Variants in PCDHGA10 observed in about 807,000 individuals in gnomAD.
The protein encoded by PCDHGA10 is protocadherin gamma subfamily A, 10.
Under a neutral mutation model 59.5 loss-of-function variants are expected in PCDHGA10, and 42 were observed. That is an observed-to-expected ratio of 0.71 (90% CI 0.55 to 0.91). PCDHGA10 has a LOEUF of 0.91. Among genes scored for constraint, PCDHGA10 ranks in the 40% least tolerant of loss-of-function variants. PCDHGA10 has a pLI of 0.00. For missense variants in PCDHGA10, 1,111 were observed against 1,198.2 expected, an observed-to-expected ratio of 0.93 and a Z score of 1.07; for synonymous variants, 511 against 517.2, an observed-to-expected ratio of 0.99 and a Z score of 0.16.
Position 141,414,888 on chromosome 5 carries a change from C to T in PCDHGA10, c.1713C>T (p.Leu571=), listed in dbSNP as rs1452402953. The change falls in exon 1 of 4, where the codon CTC becomes CTT. Residue 571 remains leucine (L), a synonymous_variant. Transcript: ENST00000398610. ...DNAPEILYPA[L]PTDGSTGVEL... is the part of the protein sequence containing the mutation. ...CGCCCGAGATCCTGTACCCCGCCCT[C>T]CCCACAGACGGTTCCACAGGCGTGG... The T allele has an allele frequency of 1.2e-6, 2 of 1,614,210 alleles. No homozygotes were observed. Among genetic ancestry groups the T allele is most frequent in the Non-Finnish European group, 1.7e-6 (2 of 1,180,040 alleles).
chr5:141,427,751 C>G (rs778043340), intron 1 of PCDHGA10: 6 of 1,306,076 alleles, frequency 4.6e-6, no homozygotes, highest in Non-Finnish European at 6.6e-6. Context: ...CCTACTCCAT[C>G]GTTACCACTG....
chr5:141,506,801 C>A (rs1322016728), intron 3 of PCDHGA10, among the ~76,000 whole-genome samples: 2 of 152,166 alleles, frequency 1.3e-5, no homozygotes, highest in Non-Finnish European at 2.9e-5. Flanking sequence ...GGCAGAGGAT[C>A]AAGGCATTGC....
Position 141,414,776 on chromosome 5 carries a change from T to G in PCDHGA10, c.1601T>G (p.Met534Arg), listed in dbSNP as rs766689016. ...FDYEQFHELQ[M>R]QVTASDSGDP... The stretch of plus-strand genomic sequence containing the variant: ...TATGAGCAGTTTCATGAGCTACAGA[T>G]GCAGGTGACAGCCAGCGACAGCGGG... Residue 534 changes from methionine to arginine, a missense_variant, in exon 1 of 4, where the codon ATG (methionine) becomes AGG (arginine). By Grantham distance (91) the Met-to-Arg change is moderately conservative. Coordinates refer to ENST00000398610, the MANE Select transcript of PCDHGA10 (RefSeq NM_018913.3). 14 of 1,614,212 alleles carry G rather than the reference T, an allele frequency of 8.7e-6. No homozygotes were observed. Among genetic ancestry groups the G allele is most frequent in the Non-Finnish European group, 1.1e-5 (13 of 1,180,046 alleles).
chr5:141,501,326 CA>C (rs1562200763), intron 2 of PCDHGA10, among the ~76,000 whole-genome samples: 18 of 151,784 alleles, frequency 1.2e-4, no homozygotes, highest in African/African-American at 1.9e-4. Flanking sequence ...CACACACACA[CA>C]CACACACCCC....
Position 141,489,524 on chromosome 5 carries a change from T to TA in PCDHGA10, c.2437-5282dup. Reference sequence around the variant, plus strand: ...AATCAAAAGATTGACCGAGAAAGCCTATGTGGAGCCAGCACCAGCTGCCTG... The same window carrying TA: ...AATCAAAAGATTGACCGAGAAAGCCTAATGTGGAGCCAGCACCAGCTGCCTG... On this transcript the variant is annotated intron_variant, in intron 1 of 3. Transcript: ENST00000398610. This position sits in a 1 kb window ranked among gnomAD's most constrained non-coding sequence, Gnocchi z 4.5. 6.2e-7 allele frequency: 1 copy of TA among 1,614,076 alleles called. No homozygotes were observed. Among genetic ancestry groups the TA allele is most frequent in the Non-Finnish European group, 8.5e-7 (1 of 1,180,010 alleles).
chr5:141,458,249 GCT>G (rs1291613361), intron 1 of PCDHGA10, among the ~76,000 whole-genome samples: 1 of 152,136 alleles, frequency 6.6e-6, no homozygotes, highest in African/African-American at 2.4e-5. Flanking sequence ...AAATGATACG[GCT>G]CTGATGAGTG....
chr5:141,426,317 C>A, intron 1 of PCDHGA10: 1 of 173,952 alleles, frequency 5.7e-6, no homozygotes, highest in African/African-American at 2.4e-5. Flanking sequence ...AGAAGCAGGA[C>A]CCGGCAGTGG....
At position 141,478,875 on chromosome 5, in the gene PCDHGA10, G is replaced by A. The variant is rs913320768; in HGVS notation, c.2437-15932G>A. On this transcript the variant is annotated intron_variant, in intron 1 of 3. Coordinates refer to ENST00000398610, the MANE Select transcript of PCDHGA10 (RefSeq NM_018913.3). ...ACAAGATCTCAGCGATCAGAGTTTA[G>A]CTTGGTATCATTTACATTAGGAATA... The A allele has an allele frequency of 2.4e-6, 3 of 1,273,470 alleles. No homozygotes were observed. The South Asian group carries it at 4.8e-5, about 21-fold the overall frequency. 78.9% of individuals were successfully genotyped at this position (1,273,470 alleles called of 1,614,324 possible).
In PCDHGA10 at chr5:141,493,577, T is replaced by C. The variant is rs2099749081; in HGVS notation, c.2437-1230T>C. On this transcript the variant is annotated intron_variant, in intron 1 of 3. Coordinates refer to ENST00000398610, the MANE Select transcript of PCDHGA10 (RefSeq NM_018913.3). This position sits in a 1 kb window ranked among gnomAD's most constrained non-coding sequence, Gnocchi z 4.3. ...GAGTTCCCCCAGCTCCGTTTCCTCC[T>C]ATCACAATCACTGCATTTCCATGTA... Among the ~76,000 whole-genome samples, 2 of 152,208 alleles carry C rather than the reference T, an allele frequency of 1.3e-5. No homozygotes were observed. The highest frequency in any genetic ancestry group is 1.3e-4 in the Admixed American group (2 of 15,280).
rs1265360670 is a variant in PCDHGA10, at chr5:141,435,001, T to A, written c.2436+19390T>A. On this transcript the variant is annotated intron_variant, in intron 1 of 3. Transcript: ENST00000398610. ...TACTCTATATCATTTTCTAGCTGAATTTATCAATGATAATGCTCTTTTCCC... is the reference window on the plus strand; with the variant it reads ...TACTCTATATCATTTTCTAGCTGAAATTATCAATGATAATGCTCTTTTCCC... Among the ~76,000 whole-genome samples the A allele has an allele frequency of 3.9e-5, 6 of 152,120 alleles. No homozygotes were observed. In the East Asian group the frequency reaches 1.2e-3, roughly 29 times the overall value.
chr5:141,420,004 G>C (rs768411058), intron 1 of PCDHGA10: 4 of 1,614,084 alleles, frequency 2.5e-6, no homozygotes, highest in Non-Finnish European at 3.4e-6. Flanking sequence ...CTCTACGCCT[G>C]CGACAGTCTT....
Position 141,413,600 on chromosome 5 carries a change from T to A in PCDHGA10, c.425T>A (p.Leu142Gln), listed in dbSNP as rs767830855. ...GCTCCAAAATTCCAAGCAGAAAATC[T>A]AGACGTAAAAATTAATGAAAATGTC... The part of the protein sequence containing the change: ...DNAPKFQAEN[L>Q]DVKINENVAA... The change falls in exon 1 of 4, where the codon CTA (leucine) becomes CAA (glutamine). Residue 142 changes from leucine to glutamine, a missense_variant. Leu to Gln is a moderately radical substitution (Grantham distance 113, BLOSUM62 -2). Transcript: ENST00000398610. 2.4e-5 allele frequency: 39 copies of A among 1,613,750 alleles called. No homozygotes were observed. Among genetic ancestry groups the A allele is most frequent in the Non-Finnish European group, 3.3e-5 (39 of 1,179,908 alleles).
intron 1 of PCDHGA10, among the ~76,000 whole-genome samples, chr5:141,449,134 T>C (rs538592980): frequency 9.2e-4 from 140 of 152,242 alleles, no homozygotes; most frequent in Non-Finnish European, 1.8e-3. Context: ...AGAAATGGAA[T>C]TGAAATTGCT....
chr5:141,419,443 C>T (rs1476796525), intron 1 of PCDHGA10: 2 of 1,613,080 alleles, frequency 1.2e-6, no homozygotes, highest in South Asian at 2.2e-5. Flanking sequence ...TGCGCACCTT[C>T]GAGCTCACGC....
chr5:141,508,527 GCACC>G (rs2099869479), intron 3 of PCDHGA10, among the ~76,000 whole-genome samples: 1 of 152,104 alleles, frequency 6.6e-6, no homozygotes, highest in Non-Finnish European at 1.5e-5. Flanking sequence ...CAACCTCAGG[GCACC>G]CCCCACGAGG....
rs368371918 is a variant in PCDHGA10 at position 141,432,800 on chromosome 5, C to G, written c.2436+17189C>G. Reference sequence around the variant, plus strand: ...GGCGGACCTCGGCAGCCTCGAGTCTCCAGCTAACTCTGAAACCTCAGACCT... The same window carrying G: ...GGCGGACCTCGGCAGCCTCGAGTCTGCAGCTAACTCTGAAACCTCAGACCT... On this transcript the variant is annotated intron_variant, in intron 1 of 3. Coordinates refer to ENST00000398610, the MANE Select transcript of PCDHGA10 (RefSeq NM_018913.3). This position sits in a 1 kb window ranked among gnomAD's most constrained non-coding sequence, Gnocchi z 6.0. The G allele has an allele frequency of 9.9e-6, 16 of 1,614,038 alleles. No individual in the cohort carries two copies. Among genetic ancestry groups the G allele is most frequent in the Non-Finnish European group, 1.3e-5 (15 of 1,180,016 alleles).
chr5:141,476,039 C>T lies in PCDHGA10; in HGVS notation c.2437-18768C>T. The T allele has an allele frequency of 1.3e-6, 2 of 1,484,358 alleles. No homozygotes were observed. The highest frequency in any genetic ancestry group is 1.8e-6 in the Non-Finnish European group (2 of 1,117,328). The allele number at this position is 1,484,358 out of a possible 1,614,324, so 91.9% of individuals were successfully genotyped here. On this transcript the variant is annotated intron_variant, in intron 1 of 3. Coordinates refer to ENST00000398610, the MANE Select transcript of PCDHGA10 (RefSeq NM_018913.3). The surrounding 1 kb of genome is among the most constrained non-coding windows in gnomAD (Gnocchi z 7.6). Reference sequence around the variant, plus strand: ...TCGGACTCGGCGCCCAGCGCCCAAGCGCTAACCCGCTGAAAGTTTCTCAGC... The same window carrying T: ...TCGGACTCGGCGCCCAGCGCCCAAGTGCTAACCCGCTGAAAGTTTCTCAGC...
chr5:141,489,942 C>T lies in PCDHGA10; in HGVS notation c.2437-4865C>T. On this transcript the variant is annotated intron_variant, in intron 1 of 3. Transcript: ENST00000398610. The surrounding 1 kb of genome is among the most constrained non-coding windows in gnomAD (Gnocchi z 4.5). ...CCCTTATCTCTGTCATCGTGCTGGA[C>T]ATCAATGATAATGCTCCAACCTTCC... 2 of 1,614,170 alleles carry T rather than the reference C, an allele frequency of 1.2e-6. No homozygotes were observed. The highest frequency in any genetic ancestry group is 1.7e-6 in the Non-Finnish European group (2 of 1,179,984).
At chr5:141,423,264 C>G (rs1452323474) in intron 1 of PCDHGA10, 1 of 1,613,986 alleles carries the variant, frequency 6.2e-7, no homozygotes. Flanking sequence ...TCGGCAGCCT[C>G]GAGTCTCTGG....
Sources: gnomAD v4.1 joint callset for allele counts (sites outside exome capture counted in the v4.1 genomes callset) on GRCh38, gnomAD v4.1.1 for gene constraint, Gnocchi (gnomAD v3.1) non-coding constraint, MANE v1.5 for transcripts, NCBI Gene and HGNC (gene_info 2026-07-23, HGNC 2026-07-21) for gene names.